The following TMEM182 variants were observed in gnomAD, a reference collection of about 807,000 sequenced individuals.
The protein encoded by TMEM182 is transmembrane protein 182.
A neutral mutation model predicts 26.8 loss-of-function variants in TMEM182; 20 were observed. The ratio of observed to expected loss-of-function variants is 0.75; its 90% CI spans 0.53 to 1.09. The LOEUF (loss-of-function observed/expected upper bound fraction) is 1.09, where lower values mean the gene tolerates loss of function less well. TMEM182 is among the 50% of genes least tolerant of loss of function. The pLI is 0.00. For synonymous variants in TMEM182, 109 were observed against 102.2 expected (o/e 1.07, Z -0.40); for missense variants, 277 against 275.5 (o/e 1.01, Z -0.04).
At chr2:102,779,113 T>C (rs533405695) in intron 3 of TMEM182, among the ~76,000 whole-genome samples, 2 of 151,844 alleles carry the variant, frequency 1.3e-5, no homozygotes, top group South Asian at 4.2e-4. Context: ...GGGTTAACAA[T>C]TTTTTTTTCT....
intron 3 of TMEM182, among the ~76,000 whole-genome samples, chr2:102,787,502 G>T (rs1681448081): frequency 1.3e-5 from 2 of 152,198 alleles, no homozygotes; most frequent in Admixed American, 1.3e-4. Context: ...CACTTTGGGG[G>T]TTAGGGGTTC....
chr2:102,782,524 T>G (rs1681215128), intron 3 of TMEM182, among the ~76,000 whole-genome samples: 1 of 152,150 alleles, frequency 6.6e-6, no homozygotes, highest in East Asian at 1.9e-4. Flanking sequence ...TTACTTTTTA[T>G]ATATTGCCCC....
chr2:102,803,111 C>T (rs555228756), intron 4 of TMEM182, among the ~76,000 whole-genome samples: 5 of 152,290 alleles, frequency 3.3e-5, no homozygotes, highest in African/African-American at 1.2e-4. Flanking sequence ...CAAAGGGTAT[C>T]TTTGCAGTGT....
At chr2:102,754,863 A>G (rs1006321699) in intron 1 of TMEM182, among the ~76,000 whole-genome samples, 2 of 152,350 alleles carry the variant, frequency 1.3e-5, no homozygotes, top group Middle Eastern at 3.4e-3. Flanking sequence ...ACAATTTAAT[A>G]AAAAGTTAAG....
At chr2:102,781,699 A>G (rs1217066341) in intron 3 of TMEM182, among the ~76,000 whole-genome samples, 4 of 152,170 alleles carry the variant, frequency 2.6e-5, no homozygotes, top group Non-Finnish European at 5.9e-5. Context: ...GATGGACCAA[A>G]TACTGCTGAG....
intron 1 of TMEM182, among the ~76,000 whole-genome samples, chr2:102,741,926 G>A (rs558574697): frequency 1.3e-5 from 2 of 152,250 alleles, no homozygotes; most frequent in East Asian, 1.9e-4. Context: ...CATACAAAAA[G>A]CCTGGTTACC....
At chr2:102,824,967 A>G (rs1683004796) in intron 3 of TMEM182, among the ~76,000 whole-genome samples, 1 of 152,172 alleles carries the variant, frequency 6.6e-6, no homozygotes, top group Admixed American at 6.5e-5. Flanking sequence ...TTCTTTATCA[A>G]TTTCCCAGTC....
At chr2:102,821,642 G>C (rs953535190), downstream of TMEM182, among the ~76,000 whole-genome samples, 1 of 152,134 alleles carries the variant, frequency 6.6e-6, no homozygotes, top group East Asian at 1.9e-4. Flanking sequence ...AGCAGGGCAA[G>C]AGTGGCCTAA....
intron 1 of TMEM182, 26 bp downstream of exon 1, chr2:102,762,375 T>C (rs1680248878): frequency 6.2e-7 from 1 of 1,613,604 alleles, no homozygotes; most frequent in Non-Finnish European, 8.5e-7. Flanking sequence ...AAAATAGTGA[T>C]GCACATGGTA....
chr2:102,743,991 C>T (rs1475656153), intron 1 of TMEM182, among the ~76,000 whole-genome samples: 3 of 152,202 alleles, frequency 2.0e-5, no homozygotes, highest in East Asian at 3.9e-4. Context: ...TAGACAAATC[C>T]ACGATTACAG....
chr2:102,803,400 C>A, intron 4 of TMEM182, among the ~76,000 whole-genome samples: 1 of 152,122 alleles, frequency 6.6e-6, no homozygotes, highest in East Asian at 1.9e-4. Flanking sequence ...GATGGAAACA[C>A]TTAATCTAGT....
intron 3 of TMEM182, chr2:102,834,354 CA>C (rs1683202413): frequency 1.0e-6 from 1 of 983,982 alleles, no homozygotes. Context: ...TATATTGTAA[CA>C]TTTCCCTTTT....
chr2:102,749,424 T>G (rs542493272), intron 1 of TMEM182, among the ~76,000 whole-genome samples: 2 of 152,276 alleles, frequency 1.3e-5, no homozygotes, highest in South Asian at 2.1e-4. Context: ...TGCCCGGACC[T>G]GAGGGTGAAT....
chr2:102,777,689 A>C (rs549956655), intron 3 of TMEM182, among the ~76,000 whole-genome samples: 38 of 151,556 alleles, frequency 2.5e-4, no homozygotes, highest in Non-Finnish European at 3.1e-4. Flanking sequence ...TCCTACATAG[A>C]TAATCATGTC....
intron 3 of TMEM182, among the ~76,000 whole-genome samples, chr2:102,785,780 C>T (rs1681363734): frequency 6.6e-6 from 1 of 152,042 alleles, no homozygotes; most frequent in Admixed American, 6.5e-5. Flanking sequence ...ATAAGTTTCC[C>T]TGGGGAAATG....
intron 1 of TMEM182, among the ~76,000 whole-genome samples, chr2:102,756,665 T>C (rs550317895): frequency 7.2e-4 from 110 of 152,160 alleles, no homozygotes; most frequent in Admixed American, 2.1e-3. Flanking sequence ...GCTGAGTTCC[T>C]GCCACTGCAC....
downstream of TMEM182, among the ~76,000 whole-genome samples, chr2:102,821,153 G>T (rs926152947): frequency 6.6e-6 from 1 of 152,142 alleles, no homozygotes; most frequent in East Asian, 1.9e-4. Context: ...GTGCACTCCA[G>T]ACTCAACACC....
chr2:102,761,495 T>C (rs1680209972), upstream of TMEM182, among the ~76,000 whole-genome samples: 1 of 152,252 alleles, frequency 6.6e-6, no homozygotes, highest in African/African-American at 2.4e-5. Flanking sequence ...CTCTTCTTTA[T>C]ACTTTCAACA....
At chr2:102,826,475 C>T (rs1245097064) in intron 3 of TMEM182, among the ~76,000 whole-genome samples, 1 of 152,054 alleles carries the variant, frequency 6.6e-6, no homozygotes, top group African/African-American at 2.4e-5. Context: ...TCCAATGCCT[C>T]AGTCTCCTCA....
Sources: allele counts gnomAD v4.1 joint callset (sites outside exome capture counted in the v4.1 genomes callset), GRCh38; gene constraint gnomAD v4.1.1; transcripts MANE v1.5; gene names NCBI Gene and HGNC (gene_info 2026-07-23, HGNC 2026-07-21).